FHIT: variants seen among roughly 807,000 people sequenced by gnomAD.
The protein encoded by FHIT is bis(5'-adenosyl)-triphosphatase.
A neutral mutation model predicts 17.9 loss-of-function variants in FHIT; 19 were observed. The observed-to-expected ratio is 1.06, with a 90% CI of 0.74 to 1.56. The LOEUF (loss-of-function observed/expected upper bound fraction) is 1.56. FHIT is among the 40% of genes most tolerant of loss of function. The pLI is 0.00. For synonymous variants in FHIT, 81 were observed against 69.7 expected, an observed-to-expected ratio of 1.16 and a Z score of -0.81; for missense variants, 248 against 189.2, an observed-to-expected ratio of 1.31 and a Z score of -1.82.
At chr3:61,208,625 T>A (rs59910027) in intron 1 of FHIT, among the ~76,000 whole-genome samples, 3 of 152,030 alleles carry the variant, frequency 2.0e-5, no homozygotes, top group African/African-American at 7.2e-5. Context: ...TATCAGTGAC[T>A]AGGATTGCAA....
intron 4 of FHIT, among the ~76,000 whole-genome samples, chr3:60,720,891 C>A (rs954694249): frequency 6.6e-6 from 1 of 152,146 alleles, no homozygotes; most frequent in Admixed American, 6.5e-5. Flanking sequence ...TCCTTGACAG[C>A]AGCCAGATGG....
rs1011101446 is a variant in FHIT at position 60,536,810 on chromosome 3, G to C, written c.103+50C>G. On this transcript the variant is annotated intron_variant, in intron 5 of 9. Transcript: ENST00000492590. ...GTATTTATATTCATTTGGCTGGTTA[G>C]GCTCAGAAGACTTTTATTTTCCCTC... is the stretch of plus-strand genomic sequence containing the variant. The C allele has an allele frequency of 7.1e-6, 11 of 1,546,334 alleles. No individual in the cohort carries two copies. In the Admixed American group the frequency reaches 1.1e-4, roughly 15 times the overall value.
At chr3:60,043,259 T>C (rs1701517230) in intron 5 of FHIT, among the ~76,000 whole-genome samples, 1 of 152,250 alleles carries the variant, frequency 6.6e-6, no homozygotes, top group Admixed American at 6.5e-5. Context: ...GCCAATTCTT[T>C]GGGACATTAA....
At chr3:61,000,831 T>C (rs1377113681) in intron 3 of FHIT, among the ~76,000 whole-genome samples, 1 of 152,118 alleles carries the variant, frequency 6.6e-6, no homozygotes, top group Non-Finnish European at 1.5e-5. Flanking sequence ...AGAGACCTAG[T>C]GGGGAAGCCC....
At chr3:61,217,007 G>A (rs1029347918) in intron 1 of FHIT, among the ~76,000 whole-genome samples, 6 of 149,340 alleles carry the variant, frequency 4.0e-5, no homozygotes, top group East Asian at 2.0e-4. Context: ...GGTAGGGGGA[G>A]GGGGGAGGGA....
In FHIT at chr3:60,295,132, C is replaced by T. The variant is rs554549306; in HGVS notation, c.103+241728G>A. ...CAGGTCAGTGGCACAGGCCTGTAGT[C>T]CCAGCTACTCAGAAGGCTGAGGTGA... On this transcript the variant is annotated intron_variant, in intron 5 of 9. Coordinates refer to ENST00000492590, the MANE Select transcript of FHIT (RefSeq NM_002012.4). Among the ~76,000 whole-genome samples, 4 of 152,170 alleles carry T rather than the reference C, an allele frequency of 2.6e-5. No homozygotes were observed. The East Asian group carries it at 5.8e-4, about 22-fold the overall frequency.
In FHIT at chr3:59,857,705, GTTTTTTTT is replaced by G. The variant is rs78150569; in HGVS notation, c.348+64633_348+64640del. Among the ~76,000 whole-genome samples the G allele has an allele frequency of 7.7e-4, 89 of 115,404 alleles. 4 individuals carry two copies. In the South Asian group the frequency reaches 7.9e-3, roughly 10 times the overall value. 75.7% of individuals were successfully genotyped at this position (115,404 alleles called of 152,430 possible). The stretch of plus-strand genomic sequence containing the variant: ...ATGACTATGCTGTGCAAAGTGCTGG[GTTTTTTTT>G]TTTTTTTTTGTATCCTAAGGGGCTT... On this transcript the variant is annotated intron_variant, in intron 8 of 9. Coordinates refer to ENST00000492590, the MANE Select transcript of FHIT (RefSeq NM_002012.4).
intron 8 of FHIT, among the ~76,000 whole-genome samples, chr3:59,904,823 G>C (rs189395385): frequency 1.6e-4 from 24 of 152,344 alleles, no homozygotes; most frequent in Admixed American, 1.4e-3. Flanking sequence ...CTGTGTGGCT[G>C]GGCCTGGGGC....
intron 4 of FHIT, among the ~76,000 whole-genome samples, chr3:60,645,648 C>A (rs112875991): frequency 0.018 from 2,718 of 152,176 alleles, 88 homozygotes; most frequent in African/African-American, 0.061. Context: ...GTCTTTTGGT[C>A]GCTGTATTAT....
chr3:60,970,481 T>A (rs1314980935), intron 3 of FHIT, among the ~76,000 whole-genome samples: 4 of 152,150 alleles, frequency 2.6e-5, no homozygotes, highest in Non-Finnish European at 4.4e-5. Flanking sequence ...TATATTTATA[T>A]TCTTATCACT....
chr3:60,958,570 C>T lies in FHIT; in HGVS notation c.-111+83477G>A, dbSNP rs200734658. ...GTTTGACCAAATGTTTCTCTTTACC[C>T]ATGAAAAATAGTTGCAATGTTCCAA... is the stretch of plus-strand genomic sequence containing the variant. On this transcript the variant is annotated intron_variant, in intron 3 of 9. Coordinates refer to ENST00000492590, the MANE Select transcript of FHIT (RefSeq NM_002012.4). 1.2e-4 allele frequency among the ~76,000 whole-genome samples: 18 copies of T among 152,244 alleles called. No individual in the cohort carries two copies. The South Asian group carries it at 1.7e-3, about 14-fold the overall frequency.
chr3:60,285,958 G>T (rs531986836), intron 5 of FHIT, among the ~76,000 whole-genome samples: 5 of 152,238 alleles, frequency 3.3e-5, no homozygotes, highest in African/African-American at 7.2e-5. Flanking sequence ...CACTCCACGT[G>T]ATTTGGCTTC....
rs546496220 is a variant in FHIT at position 60,583,418 on chromosome 3, C to T, written c.-17-46439G>A. ...AATATTTCAGGTTCTTCAGGCCCCA[C>T]GGTCTTGGCTGCAACTACTCAATTC... is the stretch of plus-strand genomic sequence containing the variant. On this transcript the variant is annotated intron_variant, in intron 4 of 9. Coordinates refer to ENST00000492590, the MANE Select transcript of FHIT (RefSeq NM_002012.4). Among the ~76,000 whole-genome samples the T allele has an allele frequency of 1.4e-3, 213 of 152,022 alleles. 1 individual carries two copies. The highest frequency in any genetic ancestry group is 4.9e-3 in the African/African-American group (202 of 41,504).
rs909918420 is a variant in FHIT, at chr3:59,747,747, T to G, written c.*1838A>C. Among the ~76,000 whole-genome samples the G allele has an allele frequency of 9.9e-5, 15 of 151,918 alleles. No individual in the cohort carries two copies. The highest frequency in any genetic ancestry group is 2.1e-4 in the Non-Finnish European group (14 of 67,962). On this transcript the variant is annotated 3_prime_UTR_variant, in exon 10 of 10. Coordinates refer to ENST00000492590, the MANE Select transcript of FHIT (RefSeq NM_002012.4). ...CCATCAGCCCTAGGGAAGCTGACTC[T>G]TTGGTTTTCCCCCATGCACCTTGTC...
intron 7 of FHIT, among the ~76,000 whole-genome samples, chr3:60,003,382 G>C (rs17061726): frequency 0.033 from 4,953 of 152,126 alleles, 232 homozygotes; most frequent in African/African-American, 0.11. Context: ...GTAGCATTTG[G>C]ATCTGTTTCA....
chr3:60,205,673 T>C (rs1703137665), intron 5 of FHIT, among the ~76,000 whole-genome samples: 1 of 152,112 alleles, frequency 6.6e-6, no homozygotes, highest in Non-Finnish European at 1.5e-5. Flanking sequence ...AGTGAAAACA[T>C]GGGAACAAAA....
chr3:60,954,215 A>G (rs1709016018), intron 3 of FHIT, among the ~76,000 whole-genome samples: 1 of 152,204 alleles, frequency 6.6e-6, no homozygotes, highest in Non-Finnish European at 1.5e-5. Context: ...TGACCTATAC[A>G]TAATTGATTG....
chr3:60,749,938 A>G (rs1355857334), intron 4 of FHIT, among the ~76,000 whole-genome samples: 1 of 152,360 alleles, frequency 6.6e-6, no homozygotes, highest in Non-Finnish European at 1.5e-5. Flanking sequence ...AGTGCCCAGT[A>G]TAAGTCTGAC....
chr3:61,199,267 GC>G (rs1560064199), intron 2 of FHIT, among the ~76,000 whole-genome samples: 3 of 152,170 alleles, frequency 2.0e-5, no homozygotes, highest in Non-Finnish European at 4.4e-5. Context: ...CCATATCTGT[GC>G]CAAAAGATTA....
Sources: allele counts gnomAD v4.1 joint callset (sites outside exome capture counted in the v4.1 genomes callset), GRCh38; gene constraint gnomAD v4.1.1; transcripts MANE v1.5; gene names NCBI Gene and HGNC (gene_info 2026-07-23, HGNC 2026-07-21).